MB21D2: variants seen among roughly 807,000 people sequenced by gnomAD.
The protein encoded by MB21D2 is nucleotidyltransferase MB21D2.
Under a neutral mutation model 33.3 loss-of-function variants are expected in MB21D2, and 9 were observed. That is an observed-to-expected ratio of 0.27 (90% CI 0.16 to 0.47). The LOEUF is 0.47. Among genes scored for constraint, MB21D2 ranks in the 20% least tolerant of loss-of-function variants. The pLI, the probability that MB21D2 is intolerant of heterozygous loss-of-function variation, is 0.99. For missense variants in MB21D2, 540 were observed against 624.6 expected (o/e 0.86, Z 1.44); for synonymous variants, 241 against 236.3 (o/e 1.02, Z -0.18).
intron 1 of MB21D2, among the ~76,000 whole-genome samples, chr3:192,864,789 G>A (rs1022634058): frequency 5.3e-5 from 8 of 152,138 alleles, no homozygotes; most frequent in African/African-American, 1.7e-4. Flanking sequence ...TTACAGGTGT[G>A]AGCCACCATG....
At chr3:192,887,509 T>C (rs751422128) in intron 1 of MB21D2, among the ~76,000 whole-genome samples, 1 of 152,104 alleles carries the variant, frequency 6.6e-6, no homozygotes, top group African/African-American at 2.4e-5. Flanking sequence ...TACCACAATA[T>C]TCAAAAAAAG....
intron 1 of MB21D2, among the ~76,000 whole-genome samples, chr3:192,911,833 T>A (rs60092964): frequency 0.038 from 5,800 of 152,178 alleles, 333 homozygotes; most frequent in African/African-American, 0.12. Flanking sequence ...CTGCCCTGGA[T>A]ACATAATGTT....
At chr3:192,849,610 T>C (rs60554199) in intron 1 of MB21D2, among the ~76,000 whole-genome samples, 10,951 of 152,166 alleles carry the variant, frequency 0.072, 1,320 homozygotes, top group African/African-American at 0.25. Context: ...GACACCACAC[T>C]CGGCTGTCAC....
Position 192,861,075 on chromosome 3 carries a change from T to A in MB21D2, c.211+56555A>T, listed in dbSNP as rs369103117. Among the ~76,000 whole-genome samples, 8 of 152,390 alleles carry A rather than the reference T, an allele frequency of 5.2e-5. No homozygotes were observed. In the South Asian group the frequency reaches 1.7e-3, roughly 32 times the overall value. ...TCGGGCCTTAGCTTACCTTGCTGAC[T>A]GCATCTTGGCTAAAACTAAATGGGA... On this transcript the variant is annotated intron_variant, in intron 1 of 1. Coordinates refer to ENST00000392452, the MANE Select transcript of MB21D2 (RefSeq NM_178496.4).
At position 192,903,702 on chromosome 3, in the gene MB21D2, G is replaced by A. The variant is rs538208031; in HGVS notation, c.211+13928C>T. Among the ~76,000 whole-genome samples, 19 of 152,310 alleles carry A rather than the reference G, an allele frequency of 1.2e-4. 1 individual carries two copies. The South Asian group carries it at 3.1e-3, about 25-fold the overall frequency. On this transcript the variant is annotated intron_variant, in intron 1 of 1. Coordinates refer to ENST00000392452, the MANE Select transcript of MB21D2 (RefSeq NM_178496.4). The stretch of plus-strand genomic sequence containing the variant: ...AAATGTAATCCCCAGAGTTAGAGGC[G>A]GGCCTGGTGGGAGGTGTCTGGATCA...
chr3:192,808,855 A>G (rs1711723155), intron 1 of MB21D2, among the ~76,000 whole-genome samples: 2 of 152,252 alleles, frequency 1.3e-5, no homozygotes, highest in Non-Finnish European at 2.9e-5. Context: ...TGCTGCTGTC[A>G]CATCCTCCAG....
chr3:192,877,350 A>G (rs1296828273), intron 1 of MB21D2, among the ~76,000 whole-genome samples: 1 of 149,766 alleles, frequency 6.7e-6, no homozygotes, highest in Non-Finnish European at 1.5e-5. Context: ...TCATAATTTG[A>G]GGAAAATATG....
intron 1 of MB21D2, among the ~76,000 whole-genome samples, chr3:192,853,028 GTCTC>G (rs10541418): frequency 0.022 from 3,192 of 148,372 alleles, 79 homozygotes; most frequent in African/African-American, 0.061. Flanking sequence ...ATCTCTCTCT[GTCTC>G]TCTCTCTCTC....
intron 1 of MB21D2, among the ~76,000 whole-genome samples, chr3:192,878,777 A>T (rs1324995927): frequency 6.6e-6 from 1 of 152,200 alleles, no homozygotes; most frequent in Admixed American, 6.5e-5. Context: ...CAGCCTGGCC[A>T]ACGTCGTGAA....
intron 1 of MB21D2, among the ~76,000 whole-genome samples, chr3:192,808,158 C>G (rs1332025700): frequency 6.6e-6 from 1 of 152,178 alleles, no homozygotes; most frequent in East Asian, 1.9e-4. Context: ...TTGGTCAAAA[C>G]TAGTCACATG....
At chr3:192,870,343 G>C (rs1489450382) in intron 1 of MB21D2, among the ~76,000 whole-genome samples, 1 of 152,158 alleles carries the variant, frequency 6.6e-6, no homozygotes, top group East Asian at 1.9e-4. Context: ...AGCACGACGA[G>C]TGAGCACATT....
At chr3:192,896,046 G>A (rs1474413612) in intron 1 of MB21D2, among the ~76,000 whole-genome samples, 1 of 152,188 alleles carries the variant, frequency 6.6e-6, no homozygotes, top group Non-Finnish European at 1.5e-5. Flanking sequence ...ACGTGGAAGA[G>A]AAGAGCAGTT....
At chr3:192,842,854 G>C (rs1712602931) in intron 1 of MB21D2, among the ~76,000 whole-genome samples, 1 of 152,178 alleles carries the variant, frequency 6.6e-6, no homozygotes, top group South Asian at 2.1e-4. Context: ...GTTAAGTGCA[G>C]TTAGGGCCAT....
rs1714384182 is a variant in MB21D2, at chr3:192,912,821, G to A, written c.211+4809C>T. Among the ~76,000 whole-genome samples, 3 of 152,318 alleles carry A rather than the reference G, an allele frequency of 2.0e-5. No individual in the cohort carries two copies. In the South Asian group the frequency reaches 6.2e-4, roughly 32 times the overall value. On this transcript the variant is annotated intron_variant, in intron 1 of 1. Transcript: ENST00000392452. ...ATGAGCTTCTGAGTCAGGAATAACT[G>A]GATTCAGTCTCCAACTCTGAATGAT...
rs370414512 is a variant in MB21D2 at position 192,886,501 on chromosome 3, G to A, written c.211+31129C>T. 1.3e-3 allele frequency among the ~76,000 whole-genome samples: 200 copies of A among 151,958 alleles called. 3 individuals are homozygous for A. In the South Asian group the frequency reaches 0.018, roughly 14 times the overall value. The stretch of plus-strand genomic sequence containing the variant: ...CTTGACACTTTGCTACATTTCCTTC[G>A]GGCTTTTGAATAATAATTTAAAAAA... On this transcript the variant is annotated intron_variant, in intron 1 of 1. Transcript: ENST00000392452.
intron 1 of MB21D2, among the ~76,000 whole-genome samples, chr3:192,865,711 C>T (rs1235204929): frequency 6.6e-6 from 1 of 152,090 alleles, no homozygotes; most frequent in African/African-American, 2.4e-5. Context: ...AACCCCCACC[C>T]CATCCTCACC....
At chr3:192,828,583 A>C (rs1438132632) in intron 1 of MB21D2, among the ~76,000 whole-genome samples, 4 of 35,854 alleles carry the variant, frequency 1.1e-4, no homozygotes, top group African/African-American at 3.0e-4. Flanking sequence ...AATAAAACTC[A>C]CCCCCCCCAT....
intron 1 of MB21D2, among the ~76,000 whole-genome samples, chr3:192,913,813 CG>C (rs1196130457): frequency 6.6e-6 from 1 of 151,928 alleles, no homozygotes; most frequent in Non-Finnish European, 1.5e-5. Flanking sequence ...GGCTGGGCAA[CG>C]GAGCAAGATC....
rs777311233 is a variant in MB21D2 at position 192,799,559 on chromosome 3, G to A, written c.303C>T (p.Asp101=). The A allele has an allele frequency of 6.2e-7, 1 of 1,614,130 alleles. No homozygotes were observed. Among genetic ancestry groups the A allele is most frequent in the East Asian group, 2.2e-5 (1 of 44,868 alleles). The change falls in exon 2 of 2, where the codon GAC becomes GAT. Residue 101 remains aspartate, a synonymous_variant. Transcript: ENST00000392452. This position sits in a 1 kb window ranked among gnomAD's most constrained non-coding sequence, Gnocchi z 4.1. ...GGVREGVVDL[D]LDELNVYARG... Reference sequence around the variant, plus strand: ...GGGCATAGACATTAAGCTCATCTAAGTCCAGGTCCACCACGCCTTCCCGGA... The same window carrying A: ...GGGCATAGACATTAAGCTCATCTAAATCCAGGTCCACCACGCCTTCCCGGA...
Sources: allele counts gnomAD v4.1 joint callset (sites outside exome capture counted in the v4.1 genomes callset), GRCh38; gene constraint gnomAD v4.1.1; non-coding constraint Gnocchi (gnomAD v3.1); transcripts MANE v1.5; gene names NCBI Gene and HGNC (gene_info 2026-07-23, HGNC 2026-07-21).